PDE11A: variants seen among roughly 807,000 people sequenced by gnomAD.
PDE11A encodes phosphodiesterase 11A, also known as dual 3',5'-cyclic-AMP and -GMP phosphodiesterase 11A.
PDE11A carries 100 observed loss-of-function variants against 100.5 expected under a neutral mutation model. The observed-to-expected ratio is 1.00, with a 90% confidence interval of 0.85 to 1.18. The LOEUF (loss-of-function observed/expected upper bound fraction) is 1.18, where lower values mean the gene tolerates loss of function less well. Among genes scored for constraint, PDE11A ranks in the 50% most tolerant of loss-of-function variants. The probability of loss-of-function intolerance (pLI) is 0.00; values close to 1 mark genes in which losing one functional copy is unlikely to be tolerated. For synonymous variants in PDE11A, 381 were observed against 420.8 expected (o/e 0.91, Z 1.16); for missense variants, 1,141 against 1,152.6 (o/e 0.99, Z 0.15).
At chr2:177,673,694 G>T (rs2080721723) in intron 17 of PDE11A, among the ~76,000 whole-genome samples, 1 of 152,164 alleles carries the variant, frequency 6.6e-6, no homozygotes, top group East Asian at 1.9e-4. Context: ...GGTATATTTT[G>T]TCTGCTGGAG....
At chr2:177,809,284 C>T (rs777157795) in intron 9 of PDE11A, among the ~76,000 whole-genome samples, 3 of 152,112 alleles carry the variant, frequency 2.0e-5, no homozygotes, top group Non-Finnish European at 4.4e-5. Context: ...TTTTACCACT[C>T]TTTTAAAGCA....
intron 1 of PDE11A, among the ~76,000 whole-genome samples, chr2:178,030,296 GAAAT>G (rs2086529012): frequency 6.6e-6 from 1 of 151,990 alleles, no homozygotes; most frequent in Non-Finnish European, 1.5e-5. Context: ...AAAGTTAGAT[GAAAT>G]AAATAGATAA....
chr2:178,002,042 T>C (rs2086151314), intron 2 of PDE11A, among the ~76,000 whole-genome samples: 1 of 135,956 alleles, frequency 7.4e-6, no homozygotes, highest in South Asian at 2.5e-4. Flanking sequence ...ACCCAATAGT[T>C]AGTTTTTCAA....
At chr2:177,845,529 C>T (rs1205766904) in intron 5 of PDE11A, among the ~76,000 whole-genome samples, 30 of 150,772 alleles carry the variant, frequency 2.0e-4, no homozygotes, top group East Asian at 4.0e-4. Flanking sequence ...CGGGCGGAGA[C>T]GCTCCTCACT....
chr2:177,695,507 G>C (rs992442149), intron 15 of PDE11A, among the ~76,000 whole-genome samples: 18 of 152,144 alleles, frequency 1.2e-4, no homozygotes, highest in African/African-American at 4.3e-4. Context: ...TGACAACCCT[G>C]GGTGTATGGC....
intron 4 of PDE11A, among the ~76,000 whole-genome samples, chr2:177,896,609 GGTATTAATGA>G (rs1313219407): frequency 1.3e-5 from 2 of 152,136 alleles, no homozygotes; most frequent in African/African-American, 4.8e-5. Context: ...AAATCTGCCA[GGTATTAATGA>G]GCACCCCTAC....
At chr2:177,745,688 A>T (rs1431454313) in intron 10 of PDE11A, among the ~76,000 whole-genome samples, 1 of 152,174 alleles carries the variant, frequency 6.6e-6, no homozygotes, top group Non-Finnish European at 1.5e-5. Context: ...TATGCTGGAG[A>T]GCACTAGGAA....
chr2:177,714,004 T>TTTG (rs1487400920), intron 12 of PDE11A, among the ~76,000 whole-genome samples: 1 of 131,782 alleles, frequency 7.6e-6, no homozygotes, highest in Non-Finnish European at 1.6e-5. Flanking sequence ...TTTTTTTTTT[T>TTTG]TTTTTTTGAG....
intron 2 of PDE11A, among the ~76,000 whole-genome samples, chr2:177,933,708 G>A (rs1288198145): frequency 6.6e-6 from 1 of 151,776 alleles, no homozygotes; most frequent in African/African-American, 2.4e-5. Flanking sequence ...AATAGCCAGT[G>A]GTATTACTCA....
intron 5 of PDE11A, among the ~76,000 whole-genome samples, chr2:177,861,994 T>C: frequency 6.6e-6 from 1 of 151,890 alleles, no homozygotes; most frequent in East Asian, 1.9e-4. Flanking sequence ...TATGTATTCA[T>C]GCGCTTAGAT....
intron 13 of PDE11A, among the ~76,000 whole-genome samples, chr2:177,709,477 G>C (rs1574067085): frequency 6.6e-6 from 1 of 152,172 alleles, no homozygotes; most frequent in African/African-American, 2.4e-5. Flanking sequence ...GAGGCATGGA[G>C]GGAAAGACTG....
chr2:178,088,337 T>G (rs2087383622), intron 2 of PDE11A, among the ~76,000 whole-genome samples: 1 of 152,248 alleles, frequency 6.6e-6, no homozygotes, highest in Non-Finnish European at 1.5e-5. Context: ...TTATTCTGTA[T>G]TATACACAAC....
chr2:177,895,896 A>G (rs1433410159), intron 4 of PDE11A, among the ~76,000 whole-genome samples: 7 of 152,224 alleles, frequency 4.6e-5, no homozygotes, highest in Admixed American at 3.9e-4. Context: ...ATCACACTGT[A>G]TACCAGAAAT....
intron 2 of PDE11A, among the ~76,000 whole-genome samples, chr2:177,995,534 A>T (rs1256113438): frequency 6.6e-6 from 1 of 152,142 alleles, no homozygotes; most frequent in African/African-American, 2.4e-5. Flanking sequence ...TGAATAGCAA[A>T]CTTGAGGAGG....
intron 12 of PDE11A, among the ~76,000 whole-genome samples, chr2:177,724,276 A>C (rs538996622): frequency 1.6e-4 from 25 of 152,246 alleles, no homozygotes; most frequent in African/African-American, 5.8e-4. Flanking sequence ...CCAGTGAATA[A>C]AATGTTCATC....
intron 3 of PDE11A, among the ~76,000 whole-genome samples, chr2:177,900,134 T>A (rs2084674634): frequency 1.3e-5 from 2 of 152,220 alleles, no homozygotes; most frequent in Admixed American, 6.5e-5. Flanking sequence ...TTGGAATTTT[T>A]AATGGCATGG....
At chr2:177,923,256 A>G (rs1003212139) in intron 2 of PDE11A, among the ~76,000 whole-genome samples, 3 of 152,022 alleles carry the variant, frequency 2.0e-5, no homozygotes, top group African/African-American at 7.2e-5. Flanking sequence ...AGTTCATGGC[A>G]GACTTGAGGT....
chr2:177,730,066 T>C (rs2081659702), intron 10 of PDE11A, among the ~76,000 whole-genome samples: 1 of 152,204 alleles, frequency 6.6e-6, no homozygotes, highest in Non-Finnish European at 1.5e-5. Flanking sequence ...GTTGTCACTT[T>C]AAATCTTTTT....
At chr2:178,087,989 A>G (rs2087379834) in intron 2 of PDE11A, among the ~76,000 whole-genome samples, 1 of 152,084 alleles carries the variant, frequency 6.6e-6, no homozygotes, top group South Asian at 2.1e-4. Flanking sequence ...GACCTGGCCC[A>G]ACCCCTCACG....
Sources: gnomAD v4.1 joint callset for allele counts (sites outside exome capture counted in the v4.1 genomes callset) on GRCh38, gnomAD v4.1.1 for gene constraint, MANE v1.5 for transcripts, NCBI Gene and HGNC (gene_info 2026-07-23, HGNC 2026-07-21) for gene names.